Variants in DSCAM observed in about 807,000 individuals in gnomAD.
DSCAM encodes DS cell adhesion molecule.
Under a neutral mutation model 217.7 loss-of-function variants are expected in DSCAM, and 47 were observed. That is an observed-to-expected ratio of 0.22 (90% CI 0.17 to 0.28). The LOEUF (loss-of-function observed/expected upper bound fraction) is 0.28, where lower values mean the gene tolerates loss of function less well. Among genes scored for constraint, DSCAM ranks in the 10% least tolerant of loss-of-function variants. The pLI is 1.00. For synonymous variants in DSCAM, 1,056 were observed against 1,015.3 expected, an observed-to-expected ratio of 1.04 and a Z score of -0.76; for missense variants, 2,080 against 2,618.3, an observed-to-expected ratio of 0.79 and a Z score of 4.49.
At chr21:40,834,183 C>T (rs1376911667) in intron 1 of DSCAM, among the ~76,000 whole-genome samples, 1 of 151,616 alleles carries the variant, frequency 6.6e-6, no homozygotes, top group Non-Finnish European at 1.5e-5. Context: ...CCGAGGCGGG[C>T]GGATCACGAG....
intron 3 of DSCAM, among the ~76,000 whole-genome samples, chr21:40,429,504 G>C (rs748057130): frequency 6.6e-6 from 1 of 152,160 alleles, no homozygotes; most frequent in African/African-American, 2.4e-5. Flanking sequence ...CTGACCTCAG[G>C]TGATCCACCT....
intron 3 of DSCAM, among the ~76,000 whole-genome samples, chr21:40,537,892 C>T (rs2076511767): frequency 6.6e-6 from 1 of 152,168 alleles, no homozygotes; most frequent in Non-Finnish European, 1.5e-5. Context: ...ACCAACGCTT[C>T]CCAAGCACCT....
intron 11 of DSCAM, among the ~76,000 whole-genome samples, chr21:40,215,486 A>AT (rs1373854808): frequency 6.6e-6 from 1 of 151,910 alleles, no homozygotes; most frequent in Non-Finnish European, 1.5e-5. Flanking sequence ...CATAAAAAAA[A>AT]ATATAATGAC....
chr21:40,839,971 T>C (rs751568621), intron 1 of DSCAM, among the ~76,000 whole-genome samples: 6 of 152,238 alleles, frequency 3.9e-5, no homozygotes, highest in Non-Finnish European at 7.3e-5. Context: ...CCATAATATG[T>C]ATTTACATAA....
chr21:40,328,610 A>G (rs528261797), intron 8 of DSCAM, among the ~76,000 whole-genome samples: 5 of 152,314 alleles, frequency 3.3e-5, no homozygotes, highest in African/African-American at 1.2e-4. Context: ...AGCATGGACA[A>G]CAAACGCAAA....
At position 40,144,803 on chromosome 21, in the gene DSCAM, C is replaced by G. The variant is rs952446283; in HGVS notation, c.3019-72G>C. ...CAAGAGCGAAATCAACGCCCACACC[C>G]ACGTAGGAAAGCAGAAATAAAGTGG... On this transcript the variant is annotated intron_variant, in intron 16 of 32. Coordinates refer to ENST00000400454, the MANE Select transcript of DSCAM (RefSeq NM_001389.5). The surrounding 1 kb of genome is among the most constrained non-coding windows in gnomAD (Gnocchi z 4.8). The G allele has an allele frequency of 1.3e-6, 2 of 1,590,492 alleles. No individual in the cohort carries two copies. The highest frequency in any genetic ancestry group is 8.6e-7 in the Non-Finnish European group (1 of 1,169,026).
intron 3 of DSCAM, among the ~76,000 whole-genome samples, chr21:40,410,870 CT>C (rs756831858): frequency 1.4e-3 from 219 of 152,168 alleles, no homozygotes; most frequent in Non-Finnish European, 2.6e-3. Flanking sequence ...AGGAGCCTTT[CT>C]GGCAGAAAGA....
intron 9 of DSCAM, among the ~76,000 whole-genome samples, chr21:40,305,037 G>A (rs372914597): frequency 3.9e-5 from 6 of 152,080 alleles, no homozygotes; most frequent in Admixed American, 6.5e-5. Context: ...AGACTTGCTC[G>A]ATGCAGGATT....
At chr21:40,146,371 C>G (rs760493936) in intron 16 of DSCAM, among the ~76,000 whole-genome samples, 1 of 152,030 alleles carries the variant, frequency 6.6e-6, no homozygotes, top group African/African-American at 2.4e-5. Context: ...AGGGAACGGA[C>G]AGAGTGGAGC....
chr21:40,144,344 G>C lies in DSCAM; in HGVS notation c.3259+147C>G. On this transcript the variant is annotated intron_variant, in intron 17 of 32. Transcript: ENST00000400454. The surrounding 1 kb of genome is among the most constrained non-coding windows in gnomAD (Gnocchi z 4.8). ...TCAGCGGGGTGGGCGAGGTCACGAGGGAAGGCTTTTCCACCCGAGACCCCA... is the reference window on the plus strand; with the variant it reads ...TCAGCGGGGTGGGCGAGGTCACGAGCGAAGGCTTTTCCACCCGAGACCCCA... 7.5e-7 allele frequency: 1 copy of C among 1,326,602 alleles called. No homozygotes were observed. Among genetic ancestry groups the C allele is most frequent in the Non-Finnish European group, 1.0e-6 (1 of 966,868 alleles). The allele number at this position is 1,326,602 out of a possible 1,614,324, so 82.2% of individuals were successfully genotyped here.
At chr21:40,640,714 G>C (rs1248532309) in intron 3 of DSCAM, among the ~76,000 whole-genome samples, 1 of 152,118 alleles carries the variant, frequency 6.6e-6, no homozygotes, top group Non-Finnish European at 1.5e-5. Flanking sequence ...CATCTGCATA[G>C]GGCTCAATCT....
chr21:40,578,396 T>G (rs1291558992), intron 3 of DSCAM, among the ~76,000 whole-genome samples: 1 of 152,084 alleles, frequency 6.6e-6, no homozygotes, highest in Non-Finnish European at 1.5e-5. Context: ...GGATTGTAAA[T>G]GCACCAGTCA....
chr21:40,392,979 T>G (rs897541560), intron 3 of DSCAM, among the ~76,000 whole-genome samples: 4 of 152,130 alleles, frequency 2.6e-5, no homozygotes, highest in Non-Finnish European at 5.9e-5. Context: ...CTGATACACA[T>G]GTACAGAATT....
chr21:40,554,886 T>C (rs2146169134), intron 3 of DSCAM, among the ~76,000 whole-genome samples: 1 of 152,340 alleles, frequency 6.6e-6, no homozygotes, highest in Middle Eastern at 3.4e-3. Flanking sequence ...ATTGAAATTG[T>C]TTATTTTCTT....
intron 3 of DSCAM, among the ~76,000 whole-genome samples, chr21:40,613,653 G>T (rs57466255): frequency 6.6e-6 from 1 of 151,970 alleles, no homozygotes; most frequent in East Asian, 1.9e-4. Flanking sequence ...CTGCTGAGAC[G>T]AGCTATTACA....
At chr21:40,612,766 G>A (rs1384450392) in intron 3 of DSCAM, among the ~76,000 whole-genome samples, 1 of 152,214 alleles carries the variant, frequency 6.6e-6, no homozygotes, top group Non-Finnish European at 1.5e-5. Flanking sequence ...GACATGTGTG[G>A]ACAATAGTAA....
At chr21:40,335,944 A>C (rs957393172) in intron 8 of DSCAM, among the ~76,000 whole-genome samples, 1 of 152,208 alleles carries the variant, frequency 6.6e-6, no homozygotes, top group African/African-American at 2.4e-5. Context: ...ATGACTATTC[A>C]TTGTACTGTT....
chr21:40,520,129 AT>A (rs2076347292), intron 3 of DSCAM, among the ~76,000 whole-genome samples: 1 of 152,048 alleles, frequency 6.6e-6, no homozygotes, highest in Non-Finnish European at 1.5e-5. Flanking sequence ...CCTAAATTAT[AT>A]GTGAAGTAGA....
At chr21:40,362,848 A>G (rs2074782713) in intron 4 of DSCAM, among the ~76,000 whole-genome samples, 1 of 152,166 alleles carries the variant, frequency 6.6e-6, no homozygotes, top group Non-Finnish European at 1.5e-5. Flanking sequence ...ACATATGTGT[A>G]TATATCTATA....
Sources: allele counts gnomAD v4.1 joint callset (sites outside exome capture counted in the v4.1 genomes callset), GRCh38; gene constraint gnomAD v4.1.1; non-coding constraint Gnocchi (gnomAD v3.1); transcripts MANE v1.5; gene names NCBI Gene and HGNC (gene_info 2026-07-23, HGNC 2026-07-21).